TDRD12: variants seen among roughly 807,000 people sequenced by gnomAD.
TDRD12 encodes the protein putative ATP-dependent RNA helicase TDRD12.
In TDRD12, 158 loss-of-function variants were observed where a neutral mutation model predicts 133.5. The observed-to-expected ratio is 1.18, with a 90% CI of 1.04 to 1.35. TDRD12 has a LOEUF of 1.35. Among genes scored for constraint, TDRD12 ranks in the 40% most tolerant of loss-of-function variants. The probability of loss-of-function intolerance (pLI) is 0.00; values close to 1 mark genes in which losing one functional copy is unlikely to be tolerated. For synonymous variants in TDRD12, 460 were observed against 477.9 expected (o/e 0.96, Z 0.49); for missense variants, 1,443 against 1,321.3 (o/e 1.09, Z -1.43).
chr19:32,741,342 A>G (rs1451839545), intron 3 of TDRD12, among the ~76,000 whole-genome samples: 1 of 152,192 alleles, frequency 6.6e-6, no homozygotes, highest in East Asian at 1.9e-4. Flanking sequence ...TCGGCTTCCC[A>G]AAGTGCTGGG....
At chr19:32,786,077 C>G (rs540388750) in intron 11 of TDRD12, among the ~76,000 whole-genome samples, 10 of 152,308 alleles carry the variant, frequency 6.6e-5, no homozygotes, top group African/African-American at 2.2e-4. Flanking sequence ...CCGATTGTTC[C>G]TATCCATGTT....
intron 2 of TDRD12, among the ~76,000 whole-genome samples, chr19:32,736,224 G>C (rs1365339907): frequency 6.6e-6 from 1 of 152,122 alleles, no homozygotes; most frequent in African/African-American, 2.4e-5. Flanking sequence ...TTACTGTTGA[G>C]ATCTATGCTC....
At chr19:32,817,512 C>T (rs775927714) in intron 26 of TDRD12, among the ~76,000 whole-genome samples, 4 of 152,182 alleles carry the variant, frequency 2.6e-5, no homozygotes, top group South Asian at 2.1e-4. Flanking sequence ...CATCTTCCTG[C>T]GCACACCTGG....
intron 4 of TDRD12, 48 bp from the exon 5 acceptor site, chr19:32,748,428 T>C: frequency 1.3e-6 from 2 of 1,531,926 alleles, no homozygotes; most frequent in South Asian, 2.4e-5. Flanking sequence ...GTTGGTGTGC[T>C]AGCCTCAGAT....
At chr19:32,749,722 C>T in intron 5 of TDRD12, 62 bp from the exon 6 acceptor site, 1 of 1,310,546 alleles carries the variant, frequency 7.6e-7, no homozygotes, top group Non-Finnish European at 1.1e-6. Context: ...GGGAAATCGT[C>T]ATGATTGTTT....
intron 8 of TDRD12, among the ~76,000 whole-genome samples, chr19:32,767,189 C>T (rs185468502): frequency 5.1e-4 from 77 of 151,072 alleles, no homozygotes; most frequent in East Asian, 7.9e-4. Context: ...AGTGCAGTGG[C>T]GCCATCTCAG....
chr19:32,760,535 A>C (rs1257505917), intron 8 of TDRD12, among the ~76,000 whole-genome samples: 1 of 152,200 alleles, frequency 6.6e-6, no homozygotes, highest in Non-Finnish European at 1.5e-5. Flanking sequence ...TTTTATTTGC[A>C]ACCTCTTCTT....
intron 1 of TDRD12, among the ~76,000 whole-genome samples, chr19:32,726,158 G>T (rs1968853469): frequency 6.6e-6 from 1 of 151,082 alleles, no homozygotes; most frequent in Admixed American, 6.6e-5. Flanking sequence ...TCAGCTCACT[G>T]CAAGCTCTGC....
intron 8 of TDRD12, among the ~76,000 whole-genome samples, chr19:32,757,516 G>C (rs764371810): frequency 2.6e-5 from 4 of 152,184 alleles, no homozygotes; most frequent in Non-Finnish European, 5.9e-5. Flanking sequence ...TTAAATTCCA[G>C]TCTTCAAGAT....
rs148062184 is a variant in TDRD12, at chr19:32,819,860, C to T, written c.3384-1173C>T. ...CCCTGGTGCCTGGGGAATGCTGGTG[C>T]GGTGGACAGTGACAGGTGGTTTCCA... is the stretch of plus-strand genomic sequence containing the variant. On this transcript the variant is annotated intron_variant, in intron 27 of 27. Transcript: ENST00000444215. 4.5e-3 allele frequency among the ~76,000 whole-genome samples: 680 copies of T among 152,234 alleles called. 5 individuals are homozygous for T. Among genetic ancestry groups the T allele is most frequent in the African/African-American group, 0.016 (644 of 41,546 alleles).
chr19:32,735,511 C>T lies in TDRD12; in HGVS notation c.184-3345C>T, dbSNP rs547208188. Among the ~76,000 whole-genome samples, 3 of 152,342 alleles carry T rather than the reference C, an allele frequency of 2.0e-5. No homozygotes were observed. In the East Asian group the frequency reaches 5.8e-4, roughly 29 times the overall value. On this transcript the variant is annotated intron_variant, in intron 2 of 27. Transcript: ENST00000444215. ...TTAAGAAAAGAGGCCATCTCCACAA[C>T]ATAAAGTGCAAGGTGAAGCACAAGG...
intron 5 of TDRD12, among the ~76,000 whole-genome samples, chr19:32,749,257 G>A (rs913226886): frequency 1.3e-5 from 2 of 152,144 alleles, no homozygotes; most frequent in Admixed American, 1.3e-4. Context: ...ATGCGGGTCT[G>A]GAGGAGGCCG....
At chr19:32,807,384 A>G (rs900007858) in intron 21 of TDRD12, 165 bp from the exon 22 acceptor site, 13 of 368,794 alleles carry the variant, frequency 3.5e-5, no homozygotes, top group East Asian at 8.6e-5. Context: ...TTATTTGTAT[A>G]TTATTAATGT....
chr19:32,806,343 T>G lies in TDRD12; in HGVS notation c.2553-1206T>G, dbSNP rs1195745206. Reference sequence around the variant, plus strand: ...TACGCTTAAAGAAGACCGAGTTTTTTTTTTTTTTTTTTTAAGACAGTCTCT... The same window carrying G: ...TACGCTTAAAGAAGACCGAGTTTTTGTTTTTTTTTTTTTAAGACAGTCTCT... On this transcript the variant is annotated intron_variant, in intron 21 of 27. Transcript: ENST00000444215. 5.4e-5 allele frequency among the ~76,000 whole-genome samples: 8 copies of G among 148,480 alleles called. 1 individual carries two copies. The highest frequency in any genetic ancestry group is 2.1e-4 in the South Asian group (1 of 4,754).
intron 4 of TDRD12, 81 bp downstream of exon 4, chr19:32,742,981 C>A: frequency 6.6e-7 from 1 of 1,510,664 alleles, no homozygotes; most frequent in Non-Finnish European, 8.9e-7. Flanking sequence ...AAGTCAGTTC[C>A]TCTGTAGAAG....
intron 4 of TDRD12, among the ~76,000 whole-genome samples, chr19:32,744,282 C>G (rs931302279): frequency 1.3e-5 from 2 of 151,792 alleles, no homozygotes; most frequent in Non-Finnish European, 2.9e-5. Flanking sequence ...AGGCGGATCA[C>G]TTGAGGTCAG....
exon 14 of TDRD12, chr19:32,794,792 G>A (rs1438447921): frequency 2.8e-6 from 2 of 703,322 alleles, no homozygotes; most frequent in Admixed American, 4.0e-5. Context: ...CCTGCTACAA[G>A]TCATTACCAA....
intron 21 of TDRD12, among the ~76,000 whole-genome samples, chr19:32,804,926 A>G (rs892638416): frequency 1.3e-5 from 2 of 151,698 alleles, no homozygotes; most frequent in African/African-American, 4.8e-5. Flanking sequence ...TTTCAAGGTC[A>G]TGAAGGCATT....
chr19:32,802,138 GATATATATTATCATAT>G (rs1164446492), intron 19 of TDRD12, among the ~76,000 whole-genome samples: 8 of 141,536 alleles, frequency 5.7e-5, no homozygotes, highest in African/African-American at 2.2e-4. Flanking sequence ...TCATATATAT[GATATATATTATCATAT>G]ATATATATGA....
Sources: gnomAD v4.1 joint callset for allele counts (sites outside exome capture counted in the v4.1 genomes callset) on GRCh38, gnomAD v4.1.1 for gene constraint, MANE v1.5 for transcripts, NCBI Gene and HGNC (gene_info 2026-07-23, HGNC 2026-07-21) for gene names.